The following RUBCN variants were observed in gnomAD, a reference collection of about 807,000 sequenced individuals.
RUBCN encodes the protein run domain Beclin-1-interacting and cysteine-rich domain-containing protein.
A neutral mutation model predicts 113.2 loss-of-function variants in RUBCN; 74 were observed. The ratio of observed to expected loss-of-function variants is 0.65; its 90% CI spans 0.54 to 0.79. RUBCN has a LOEUF of 0.79. RUBCN is among the 30% of genes least tolerant of loss of function. RUBCN has a pLI of 0.00. For synonymous variants in RUBCN, 480 were observed against 490.0 expected, an observed-to-expected ratio of 0.98 and a Z score of 0.27; for missense variants, 1,109 against 1,251.7, an observed-to-expected ratio of 0.89 and a Z score of 1.72.
At chr3:197,710,511 A>T (rs1290948253) in intron 2 of RUBCN, among the ~76,000 whole-genome samples, 2 of 151,882 alleles carry the variant, frequency 1.3e-5, no homozygotes, top group African/African-American at 4.8e-5. Flanking sequence ...GAGGCAGGAG[A>T]ATCGCTTGAA....
intron 1 of RUBCN, among the ~76,000 whole-genome samples, chr3:197,727,790 G>A (rs2108988468): frequency 1.3e-5 from 2 of 152,350 alleles, no homozygotes; most frequent in South Asian, 2.1e-4. Flanking sequence ...CTGATTTCAT[G>A]AGACATATAA....
intron 14 of RUBCN, among the ~76,000 whole-genome samples, 194 bp downstream of exon 14, chr3:197,682,276 C>G (rs528672133): frequency 9.9e-5 from 15 of 152,274 alleles, no homozygotes; most frequent in African/African-American, 3.6e-4. Flanking sequence ...AAACCCGCCT[C>G]GTTTCCAATT....
intron 5 of RUBCN, among the ~76,000 whole-genome samples, chr3:197,702,701 G>T (rs1723824783): frequency 6.6e-6 from 1 of 152,084 alleles, no homozygotes. Flanking sequence ...TTAATTAAAA[G>T]AATCTGGAGA....
In RUBCN at chr3:197,700,460, T is replaced by C. The variant is rs1019659800; in HGVS notation, c.1261+153A>G. ...GACTTAGAGATTTTGAGTCTCAGTA[T>C]TTCGTTATAAACTTCTTTCATTACA... On this transcript the variant is annotated intron_variant, in intron 7 of 19. Coordinates refer to ENST00000296343, the MANE Select transcript of RUBCN (RefSeq NM_014687.4). 1.0e-5 allele frequency: 7 copies of C among 694,682 alleles called. No individual in the cohort carries two copies. In the African/African-American group the frequency reaches 1.3e-4, roughly 13 times the overall value. 43.0% of individuals were successfully genotyped at this position (694,682 alleles called of 1,614,324 possible).
chr3:197,734,944 A>G (rs1160446576), intron 1 of RUBCN, among the ~76,000 whole-genome samples: 3 of 152,254 alleles, frequency 2.0e-5, no homozygotes, highest in Non-Finnish European at 2.9e-5. Context: ...TTTGCACATA[A>G]AAGTAGAGTC....
rs755115977 is a variant in RUBCN at position 197,695,890 on chromosome 3, G to A, written c.1449C>T (p.Phe483=). Residue 483 remains phenylalanine (F), a synonymous_variant, in exon 9 of 20, where the codon TTC becomes TTT. Coordinates refer to ENST00000296343, the MANE Select transcript of RUBCN (RefSeq NM_014687.4). ...CCTTTTCCAGGTCGGCACAGCTGCC[G>A]AAGTCTTGCTCAGAGAGGTAGCTGA... is the stretch of plus-strand genomic sequence containing the variant. ...SLISYLSEQD[F]GSCADLEKEN... is the part of the protein sequence containing the mutation. 12 of 1,614,046 alleles carry A rather than the reference G, an allele frequency of 7.4e-6. No homozygotes were observed. The highest frequency in any genetic ancestry group is 4.5e-5 in the East Asian group (2 of 44,896).
intron 1 of RUBCN, among the ~76,000 whole-genome samples, chr3:197,719,858 T>C (rs1478692141): frequency 6.6e-6 from 1 of 152,260 alleles, no homozygotes; most frequent in Non-Finnish European, 1.5e-5. Flanking sequence ...ATACAATGGA[T>C]ATATTGTGCA....
At position 197,736,673 on chromosome 3, in the gene RUBCN, C is replaced by G. The variant is rs1248223395; in HGVS notation, c.47G>C (p.Arg16Pro). 6.5e-6 allele frequency: 10 copies of G among 1,532,374 alleles called. No homozygotes were observed. In the South Asian group the frequency reaches 8.3e-5, roughly 13 times the overall value. The allele number at this position is 1,532,374 out of a possible 1,614,324, so 94.9% of individuals were successfully genotyped here. ...AGCCCACCTGCTCTCCTCAGGCAGGCGCTCCTCGCCGCCTCCGAGCTCCAT... is the reference window on the plus strand; with the variant it reads ...AGCCCACCTGCTCTCCTCAGGCAGGGGCTCCTCGCCGCCTCCGAGCTCCAT... ...AGMELGGGEERLPEESRREHW... is the reference protein window; with the variant it reads ...AGMELGGGEEPLPEESRREHW... The change falls in exon 1 of 20, where the codon CGC (arginine) becomes CCC (proline). Residue 16 changes from arginine (R) to proline (P), a missense_variant. Arg to Pro is a moderately radical substitution (Grantham distance 103). Coordinates refer to ENST00000296343, the MANE Select transcript of RUBCN (RefSeq NM_014687.4).
At chr3:197,705,196 A>G (rs1158705431) in intron 2 of RUBCN, 21 bp from the exon 3 acceptor site, 2 of 1,607,448 alleles carry the variant, frequency 1.2e-6, no homozygotes, top group Non-Finnish European at 1.7e-6. Context: ...AACACATACA[A>G]TGAGCAAATC....
chr3:197,734,892 GCCCCAAAGT>G (rs1370944547), intron 1 of RUBCN, among the ~76,000 whole-genome samples: 1 of 152,158 alleles, frequency 6.6e-6, no homozygotes, highest in African/African-American at 2.4e-5. Flanking sequence ...TCAGGCAGGA[GCCCCAAAGT>G]CCTGTCAGTC....
At chr3:197,731,318 C>T (rs1727437056) in intron 1 of RUBCN, among the ~76,000 whole-genome samples, 1 of 152,208 alleles carries the variant, frequency 6.6e-6, no homozygotes, top group Non-Finnish European at 1.5e-5. Context: ...GGGGTAACGT[C>T]ACCGATCAAC....
chr3:197,739,653 C>A (rs1475281540), upstream of RUBCN, among the ~76,000 whole-genome samples: 8 of 152,072 alleles, frequency 5.3e-5, no homozygotes, highest in Non-Finnish European at 1.0e-4. Flanking sequence ...GAGCAGAGAT[C>A]ACGCCACTGC....
At chr3:197,699,272 A>C (rs1254867330) in intron 7 of RUBCN, 2 of 1,397,046 alleles carry the variant, frequency 1.4e-6, no homozygotes, top group South Asian at 2.5e-5. Flanking sequence ...GTCCAGATAG[A>C]GCAATGAGAA....
rs1156960967 is a variant in RUBCN, at chr3:197,681,042, G to T, written c.2430+87C>A. On this transcript the variant is annotated intron_variant, in intron 16 of 19. Transcript: ENST00000296343. This position sits in a 1 kb window ranked among gnomAD's most constrained non-coding sequence, Gnocchi z 5.5. Reference sequence around the variant, plus strand: ...GGGGGAGGGGACAAGAGGAGGGGATGGGGGGAGGGGACGGGGGAGGGACGA... The same window carrying T: ...GGGGGAGGGGACAAGAGGAGGGGATTGGGGGAGGGGACGGGGGAGGGACGA... The T allele has an allele frequency of 7.3e-6, 5 of 688,888 alleles. No homozygotes were observed. Among genetic ancestry groups the T allele is most frequent in the South Asian group, 4.6e-5 (3 of 65,216 alleles). The allele number at this position is 688,888 out of a possible 1,614,324, so 42.7% of individuals were successfully genotyped here. A position where few individuals can be genotyped will look rare whatever the true frequency, so the allele number is the denominator to read the frequency against.
rs570309867 is a variant in RUBCN at position 197,690,309 on chromosome 3, C to A, written c.1786+3406G>T. On this transcript the variant is annotated intron_variant, in intron 11 of 19. Transcript: ENST00000296343. The stretch of plus-strand genomic sequence containing the variant: ...AAAAATTAGCCAGGTGTGGTGGCAG[C>A]TGCCTGTAGTCCCAGCTACTTGGGA... 2.0e-5 allele frequency among the ~76,000 whole-genome samples: 3 copies of A among 152,132 alleles called. No individual in the cohort carries two copies. In the South Asian group the frequency reaches 6.2e-4, roughly 32 times the overall value.
intron 2 of RUBCN, among the ~76,000 whole-genome samples, chr3:197,706,933 T>C (rs1468118448): frequency 6.6e-6 from 1 of 152,168 alleles, no homozygotes; most frequent in African/African-American, 2.4e-5. Context: ...CTGGTGGTAG[T>C]GCGGCAGGGA....
intron 9 of RUBCN, among the ~76,000 whole-genome samples, 155 bp from the exon 10 acceptor site, chr3:197,694,740 T>C (rs924253890): frequency 1.8e-4 from 28 of 152,218 alleles, no homozygotes; most frequent in Admixed American, 8.5e-4. Flanking sequence ...AGCTGATGGC[T>C]GGAAAACCTA....
At position 197,670,421 on chromosome 3, in the gene RUBCN, G is replaced by A. The variant is rs1167212341; in HGVS notation, c.*4597C>T. ...TGCTGGGCTGCCATTGTGAATCAAT[G>A]GTCCTTGTTTTCCTCTTCAACAGTC... On this transcript the variant is annotated 3_prime_UTR_variant, in exon 20 of 20. Transcript: ENST00000296343. Among the ~76,000 whole-genome samples the A allele has an allele frequency of 6.6e-6, 1 of 152,154 alleles. No homozygotes were observed. Among genetic ancestry groups the A allele is most frequent in the Non-Finnish European group, 1.5e-5 (1 of 68,020 alleles).
At chr3:197,744,820 G>A (rs548157311) in intron 1 of RUBCN, among the ~76,000 whole-genome samples, 127 of 152,186 alleles carry the variant, frequency 8.3e-4, no homozygotes, top group African/African-American at 3.0e-3. Context: ...GATAGTAGGT[G>A]GGGGGTAAGG....
Sources: allele counts gnomAD v4.1 joint callset (sites outside exome capture counted in the v4.1 genomes callset), GRCh38; gene constraint gnomAD v4.1.1; non-coding constraint Gnocchi (gnomAD v3.1); transcripts MANE v1.5; gene names NCBI Gene and HGNC (gene_info 2026-07-23, HGNC 2026-07-21).